The following KCTD3 variants were observed in gnomAD, a reference collection of about 807,000 sequenced individuals.
KCTD3 encodes the protein BTB/POZ domain-containing protein KCTD3.
KCTD3 carries 41 observed loss-of-function variants against 85.8 expected under a neutral mutation model. The observed-to-expected ratio is 0.48, with a 90% CI of 0.37 to 0.62. KCTD3 has a LOEUF of 0.62. KCTD3 is among the 20% of genes least tolerant of loss of function. The pLI is 0.00. For missense variants in KCTD3, 724 were observed against 989.9 expected, an observed-to-expected ratio of 0.73 and a Z score of 3.60; for synonymous variants, 338 against 345.4, an observed-to-expected ratio of 0.98 and a Z score of 0.24.
At chr1:215,607,987 G>T in intron 13 of KCTD3, 30 bp from the exon 14 acceptor site, 1 of 1,565,930 alleles carries the variant, frequency 6.4e-7, no homozygotes. Flanking sequence ...AAGTAATTTT[G>T]TATTCTTTTG....
At chr1:215,597,621 A>G (rs886328626) in intron 10 of KCTD3, among the ~76,000 whole-genome samples, 1 of 152,144 alleles carries the variant, frequency 6.6e-6, no homozygotes, top group Non-Finnish European at 1.5e-5. Context: ...CTAAATACAC[A>G]GTGGAGGCTG....
intron 9 of KCTD3, among the ~76,000 whole-genome samples, chr1:215,587,728 T>G (rs1028598409): frequency 6.6e-6 from 1 of 152,206 alleles, no homozygotes; most frequent in Admixed American, 6.5e-5. Flanking sequence ...TTTTCAGTCT[T>G]TTCAGAAAAT....
rs1175156213 is a variant in KCTD3 at position 215,621,203 on chromosome 1, T to C, written c.*585T>C. The C allele has an allele frequency of 6.5e-6, 1 of 152,732 alleles. No individual in the cohort carries two copies. The highest frequency in any genetic ancestry group is 3.4e-3 in the Middle Eastern group (1 of 294). 9.5% of individuals were successfully genotyped at this position (152,732 alleles called of 1,614,324 possible). A position where few individuals can be genotyped will look rare whatever the true frequency, so the allele number is the denominator to read the frequency against. ...TTTTAGGATGATTTTAATTTAGTCG[T>C]GCGTCATTTTCTGATTCTCATCATT... On this transcript the variant is annotated 3_prime_UTR_variant, in exon 18 of 18. Transcript: ENST00000259154.
chr1:215,597,662 CA>C (rs1456686318), intron 10 of KCTD3, among the ~76,000 whole-genome samples: 1 of 152,108 alleles, frequency 6.6e-6, no homozygotes, highest in Non-Finnish European at 1.5e-5. Flanking sequence ...GTTCTGGGAA[CA>C]AGAATTCAAA....
chr1:215,595,439 G>T lies in KCTD3; in HGVS notation c.901G>T (p.Gly301Ter). The change falls in exon 10 of 18, where the codon GGA (glycine) becomes TGA (stop). Residue 301 changes from glycine to a stop codon, truncating the protein, a stop_gained. Coordinates refer to ENST00000259154, the MANE Select transcript of KCTD3 (RefSeq NM_016121.5). LOFTEE classifies it high-confidence loss of function. ...LVATSHTGKV[G>*]VWNAVTQHWQ... ...GGCCACGAGTCATACAGGGAAAGTG[G>T]GAGTGTGGAATGCTGTCACTCAGCA... 1 of 1,612,388 alleles carries T rather than the reference G, an allele frequency of 6.2e-7. No individual in the cohort carries two copies. The highest frequency in any genetic ancestry group is 8.5e-7 in the Non-Finnish European group (1 of 1,178,554).
rs1659158928 is a variant in KCTD3, at chr1:215,567,392, G to C, written c.-294G>C. ...CTCCTCCCAGGCAGGCTGCGGCGGC[G>C]TCGGTGGCAGCGGAGCACGGAGAAG... is the stretch of plus-strand genomic sequence containing the variant. On this transcript the variant is annotated 5_prime_UTR_variant, in exon 1 of 18. Coordinates refer to ENST00000259154, the MANE Select transcript of KCTD3 (RefSeq NM_016121.5). 1 of 205,328 alleles carries C rather than the reference G, an allele frequency of 4.9e-6. No individual in the cohort carries two copies. The highest frequency in any genetic ancestry group is 9.6e-6 in the Non-Finnish European group (1 of 104,022). The allele number at this position is 205,328 out of a possible 1,614,324, so 12.7% of individuals were successfully genotyped here.
intron 4 of KCTD3, among the ~76,000 whole-genome samples, 166 bp downstream of exon 4, chr1:215,576,140 C>G (rs1427360907): frequency 6.6e-6 from 1 of 151,640 alleles, no homozygotes; most frequent in African/African-American, 2.4e-5. Context: ...ATGATCTCTG[C>G]TCACTGCAAC....
At chr1:215,601,796 T>A in intron 10 of KCTD3, 71 bp from the exon 11 acceptor site, 1 of 914,278 alleles carries the variant, frequency 1.1e-6, no homozygotes. Context: ...AATCAAAGTT[T>A]TGAGGAAATT....
intron 10 of KCTD3, among the ~76,000 whole-genome samples, chr1:215,599,327 A>G (rs1654737876): frequency 6.6e-6 from 1 of 152,236 alleles, no homozygotes; most frequent in Admixed American, 6.5e-5. Context: ...AAATTTAGAT[A>G]AGTGATTATT....
At chr1:215,582,910 A>G (rs1312825145) in intron 8 of KCTD3, among the ~76,000 whole-genome samples, 3 of 152,184 alleles carry the variant, frequency 2.0e-5, no homozygotes, top group African/African-American at 7.2e-5. Flanking sequence ...GTTATAGAGC[A>G]AATATGTACC....
At chr1:215,594,946 C>T (rs1409204324) in intron 9 of KCTD3, among the ~76,000 whole-genome samples, 1 of 152,118 alleles carries the variant, frequency 6.6e-6, no homozygotes, top group African/African-American at 2.4e-5. Context: ...AATATCGGGT[C>T]CATGAGCAAG....
intron 8 of KCTD3, among the ~76,000 whole-genome samples, chr1:215,580,557 G>C (rs1010105853): frequency 1.3e-5 from 2 of 151,868 alleles, no homozygotes; most frequent in Non-Finnish European, 2.9e-5. Context: ...GAAGAATAGT[G>C]TAGACCGGTG....
chr1:215,617,112 T>G (rs147958786), intron 15 of KCTD3, among the ~76,000 whole-genome samples: 1 of 152,362 alleles, frequency 6.6e-6, no homozygotes, highest in East Asian at 1.9e-4. Context: ...ACCTGGAGGT[T>G]CTGAAGGGTG....
At chr1:215,616,233 A>C (rs1264150654) in intron 15 of KCTD3, among the ~76,000 whole-genome samples, 1 of 152,200 alleles carries the variant, frequency 6.6e-6, no homozygotes, top group African/African-American at 2.4e-5. Context: ...TTTGAAACAT[A>C]AACAGGACTC....
At chr1:215,616,356 T>G (rs998148944) in intron 15 of KCTD3, among the ~76,000 whole-genome samples, 3 of 152,210 alleles carry the variant, frequency 2.0e-5, no homozygotes, top group Admixed American at 1.3e-4. Flanking sequence ...ATCTGATAAT[T>G]TGTCACCTAT....
intron 9 of KCTD3, among the ~76,000 whole-genome samples, chr1:215,591,274 CTCTCCTTCCTTCTT>C (rs1343306840): frequency 4.7e-5 from 7 of 148,806 alleles, no homozygotes; most frequent in African/African-American, 1.8e-4. Context: ...CTTTCTCTCT[CTCTCCTTCCTTCTT>C]TCCTTCCTTC....
chr1:215,585,025 T>C (rs749911276), intron 8 of KCTD3, among the ~76,000 whole-genome samples: 7 of 152,158 alleles, frequency 4.6e-5, no homozygotes, highest in Non-Finnish European at 7.3e-5. Flanking sequence ...TGGGGGTCTC[T>C]CCACTATCTC....
intron 3 of KCTD3, among the ~76,000 whole-genome samples, 153 bp from the exon 4 acceptor site, chr1:215,575,748 A>G (rs1659548883): frequency 1.3e-5 from 2 of 152,200 alleles, no homozygotes; most frequent in Non-Finnish European, 2.9e-5. Flanking sequence ...CACACAGACT[A>G]CATTCCAATT....
At chr1:215,584,053 G>A (rs146620027) in intron 8 of KCTD3, among the ~76,000 whole-genome samples, 113 of 152,262 alleles carry the variant, frequency 7.4e-4, no homozygotes, top group African/African-American at 2.6e-3. Context: ...TATGGAGTTG[G>A]AACCAAGCTG....
Sources: allele counts gnomAD v4.1 joint callset (sites outside exome capture counted in the v4.1 genomes callset), GRCh38; gene constraint gnomAD v4.1.1; transcripts MANE v1.5; gene names NCBI Gene and HGNC (gene_info 2026-07-23, HGNC 2026-07-21).